The following IMMP2L variants were observed in gnomAD, a reference collection of about 807,000 sequenced individuals.
IMMP2L encodes the protein mitochondrial inner membrane protease subunit 2.
A neutral mutation model predicts 19.3 loss-of-function variants in IMMP2L; 18 were observed. The observed-to-expected ratio is 0.93, with a 90% CI of 0.64 to 1.38. The LOEUF (loss-of-function observed/expected upper bound fraction) is 1.38. Among genes scored for constraint, IMMP2L ranks in the 40% most tolerant of loss-of-function variants. The pLI, the probability that IMMP2L is intolerant of heterozygous loss-of-function variation, is 0.00. For synonymous variants in IMMP2L, 76 were observed against 73.0 expected (o/e 1.04, Z -0.21); for missense variants, 233 against 218.2 (o/e 1.07, Z -0.43).
At chr7:111,059,841 T>C in intron 3 of IMMP2L, among the ~76,000 whole-genome samples, 1 of 152,094 alleles carries the variant, frequency 6.6e-6, no homozygotes, top group East Asian at 1.9e-4. Context: ...GGTACTGCCT[T>C]TTCATTCAGG....
chr7:111,554,677 C>A (rs1791062031), intron 1 of IMMP2L, among the ~76,000 whole-genome samples: 3 of 151,966 alleles, frequency 2.0e-5, no homozygotes, highest in Admixed American at 2.0e-4. Flanking sequence ...GGCTGGAGTG[C>A]AGTACCACAT....
intron 3 of IMMP2L, among the ~76,000 whole-genome samples, chr7:111,207,311 GT>G (rs1810815657): frequency 6.6e-6 from 1 of 152,056 alleles, no homozygotes; most frequent in African/African-American, 2.4e-5. Flanking sequence ...ATTTCATGGG[GT>G]CATGAGAAGA....
At chr7:111,038,807 A>G (rs1003110963) in intron 3 of IMMP2L, among the ~76,000 whole-genome samples, 2 of 152,224 alleles carry the variant, frequency 1.3e-5, no homozygotes, top group Non-Finnish European at 2.9e-5. Context: ...ATCTTTATAA[A>G]TCAAGTTATT....
chr7:111,315,032 G>A (rs1823904205), intron 3 of IMMP2L, among the ~76,000 whole-genome samples: 1 of 152,058 alleles, frequency 6.6e-6, no homozygotes, highest in African/African-American at 2.4e-5. Flanking sequence ...AAGTATACGT[G>A]CATATCTCAC....
intron 4 of IMMP2L, among the ~76,000 whole-genome samples, chr7:110,949,289 G>A (rs1396237779): frequency 2.0e-5 from 3 of 152,078 alleles, no homozygotes; most frequent in Non-Finnish European, 4.4e-5. Context: ...CATGGTCTAG[G>A]TGTACCCATG....
At chr7:111,529,934 G>A (rs1017064212) in intron 1 of IMMP2L, among the ~76,000 whole-genome samples, 1 of 152,120 alleles carries the variant, frequency 6.6e-6, no homozygotes, top group African/African-American at 2.4e-5. Context: ...ATTCATAAAG[G>A]CTTCCTGATT....
intron 3 of IMMP2L, among the ~76,000 whole-genome samples, chr7:111,277,261 TA>T (rs531128165): frequency 2.8e-4 from 41 of 146,516 alleles, no homozygotes; most frequent in African/African-American, 8.8e-4. Context: ...CTCTACAAGA[TA>T]AAAAAAAAAT....
chr7:111,258,393 C>T (rs1816956035), intron 3 of IMMP2L, among the ~76,000 whole-genome samples: 1 of 152,092 alleles, frequency 6.6e-6, no homozygotes, highest in African/African-American at 2.4e-5. Context: ...GGGCCTTAAT[C>T]ACTAATTACC....
At chr7:111,512,067 C>A (rs116148128) in intron 2 of IMMP2L, among the ~76,000 whole-genome samples, 2 of 152,104 alleles carry the variant, frequency 1.3e-5, no homozygotes, top group East Asian at 3.9e-4. Flanking sequence ...TGTATATACA[C>A]GTAACTGTAC....
chr7:111,091,292 T>C (rs1261367397), intron 3 of IMMP2L: 1 of 152,236 alleles, frequency 6.6e-6, no homozygotes, highest in African/African-American at 2.4e-5. Flanking sequence ...TGCAGCCTCC[T>C]GCCTTCCTTT....
intron 3 of IMMP2L, among the ~76,000 whole-genome samples, chr7:111,291,505 G>C (rs1701822302): frequency 2.6e-5 from 4 of 152,062 alleles, no homozygotes; most frequent in Admixed American, 2.0e-4. Context: ...CCTTTAACCT[G>C]GTATAAGGAG....
chr7:111,242,456 C>T (rs1406167816), intron 3 of IMMP2L, among the ~76,000 whole-genome samples: 1 of 152,108 alleles, frequency 6.6e-6, no homozygotes, highest in East Asian at 1.9e-4. Flanking sequence ...TACATCACAA[C>T]ACTTCACGAT....
intron 3 of IMMP2L, among the ~76,000 whole-genome samples, chr7:111,043,775 C>T (rs1310873520): frequency 6.6e-6 from 1 of 152,080 alleles, no homozygotes; most frequent in Non-Finnish European, 1.5e-5. Flanking sequence ...ATGTACTAGA[C>T]AAGAAAGTAG....
chr7:111,252,398 CT>C (rs1341127189), intron 3 of IMMP2L, among the ~76,000 whole-genome samples: 1 of 152,068 alleles, frequency 6.6e-6, no homozygotes, highest in Admixed American at 6.6e-5. Flanking sequence ...AAAACGAGAC[CT>C]GGAAAATGGA....
intron 3 of IMMP2L, among the ~76,000 whole-genome samples, chr7:111,326,306 T>C (rs1825309666): frequency 6.6e-6 from 1 of 151,822 alleles, no homozygotes; most frequent in Non-Finnish European, 1.5e-5. Flanking sequence ...GATTAAATTT[T>C]TAAAATTTTC....
intron 5 of IMMP2L, among the ~76,000 whole-genome samples, chr7:110,779,019 G>A (rs903720500): frequency 5.9e-5 from 9 of 151,888 alleles, no homozygotes; most frequent in Non-Finnish European, 8.8e-5. Context: ...AATAGAAAGC[G>A]AAGTCTTGAG....
intron 3 of IMMP2L, among the ~76,000 whole-genome samples, chr7:111,359,509 C>T (rs990331932): frequency 1.3e-5 from 2 of 151,928 alleles, no homozygotes; most frequent in African/African-American, 4.8e-5. Context: ...ACCATATTGG[C>T]CCATCTGGTC....
intron 2 of IMMP2L, among the ~76,000 whole-genome samples, chr7:111,515,711 T>C (rs1271755009): frequency 1.3e-5 from 2 of 152,144 alleles, no homozygotes; most frequent in African/African-American, 4.8e-5. Flanking sequence ...CCAGATAGTC[T>C]AATCCCTTCT....
At chr7:111,392,769 T>C (rs902598443) in intron 3 of IMMP2L, 3 of 456,230 alleles carry the variant, frequency 6.6e-6, no homozygotes, top group African/African-American at 6.0e-5. Context: ...TTTGCTAGAG[T>C]GGTCATAAAA....
Sources: allele counts gnomAD v4.1 joint callset (sites outside exome capture counted in the v4.1 genomes callset), GRCh38; gene constraint gnomAD v4.1.1; transcripts MANE v1.5; gene names NCBI Gene and HGNC (gene_info 2026-07-23, HGNC 2026-07-21).